SNX13: variants seen among roughly 807,000 people sequenced by gnomAD.
The protein encoded by SNX13 is sorting nexin 13.
A neutral mutation model predicts 133.6 loss-of-function variants in SNX13; 45 were observed. The observed-to-expected ratio is 0.34, with a 90% CI of 0.27 to 0.43. SNX13 has a LOEUF of 0.43. Ranked by LOEUF, SNX13 falls within the 20% of genes least tolerant of loss-of-function variation. SNX13 has a pLI of 1.00. For missense variants in SNX13, 1,032 were observed against 1,145.1 expected (o/e 0.90, Z 1.43); for synonymous variants, 414 against 373.9 (o/e 1.11, Z -1.24).
At chr7:17,919,382 T>G (rs1014966664) in intron 1 of SNX13, among the ~76,000 whole-genome samples, 3 of 152,178 alleles carry the variant, frequency 2.0e-5, no homozygotes, top group Admixed American at 2.0e-4. Flanking sequence ...AGCCAAAATT[T>G]TCCTCAGAAA....
At position 17,847,361 on chromosome 7, in the gene SNX13, C is replaced by T. The variant is rs566054409; in HGVS notation, c.1066-1667G>A. Among the ~76,000 whole-genome samples, 6 of 152,102 alleles carry T rather than the reference C, an allele frequency of 3.9e-5. No individual in the cohort carries two copies. The South Asian group carries it at 1.0e-3, about 26-fold the overall frequency. On this transcript the variant is annotated intron_variant, in intron 11 of 25. Coordinates refer to ENST00000428135, the MANE Select transcript of SNX13 (RefSeq NM_015132.5). ...TGTTTGTTTTTTTGAGACGGAGTGTCGCTCTTGTTGCCCAGGCTGGAGTGC... is the reference window on the plus strand; with the variant it reads ...TGTTTGTTTTTTTGAGACGGAGTGTTGCTCTTGTTGCCCAGGCTGGAGTGC...
chr7:17,852,025 C>G (rs759925149), intron 9 of SNX13, among the ~76,000 whole-genome samples: 4 of 151,878 alleles, frequency 2.6e-5, no homozygotes, highest in Non-Finnish European at 5.9e-5. Context: ...AGGCCAAAAA[C>G]GTAGGAAAAA....
chr7:17,867,278 T>C (rs867336001), intron 9 of SNX13, among the ~76,000 whole-genome samples: 1 of 152,120 alleles, frequency 6.6e-6, no homozygotes, highest in Non-Finnish European at 1.5e-5. Context: ...GGTACTACAA[T>C]CTGGTCGAAG....
At chr7:17,845,735 C>A in intron 11 of SNX13, 41 bp from the exon 12 acceptor site, 1 of 1,330,934 alleles carries the variant, frequency 7.5e-7, no homozygotes, top group Non-Finnish European at 1.0e-6. Flanking sequence ...TTTATCTAAT[C>A]ATTCATTGTT....
At chr7:17,931,172 T>C (rs555844020) in intron 1 of SNX13, among the ~76,000 whole-genome samples, 7 of 152,274 alleles carry the variant, frequency 4.6e-5, no homozygotes, top group South Asian at 4.1e-4. Flanking sequence ...ACATGTAAAA[T>C]AGCTGATTAT....
chr7:17,800,046 C>G (rs531748573), intron 22 of SNX13, among the ~76,000 whole-genome samples: 5 of 151,764 alleles, frequency 3.3e-5, no homozygotes, highest in African/African-American at 1.2e-4. Context: ...ACAGCTTAAT[C>G]AAAACCAGTA....
chr7:17,866,952 C>T (rs1429384204), intron 9 of SNX13, among the ~76,000 whole-genome samples: 2 of 152,090 alleles, frequency 1.3e-5, no homozygotes, highest in South Asian at 2.1e-4. Context: ...ATGCTTATAT[C>T]GAAATATCAC....
At chr7:17,894,987 C>T (rs1350532845) in intron 2 of SNX13, among the ~76,000 whole-genome samples, 1 of 152,128 alleles carries the variant, frequency 6.6e-6, no homozygotes, top group Admixed American at 6.5e-5. Flanking sequence ...AGAATTACTG[C>T]TAAATGTCAT....
intron 12 of SNX13, among the ~76,000 whole-genome samples, chr7:17,842,635 A>T (rs4721662): frequency 1.8e-4 from 27 of 152,094 alleles, no homozygotes; most frequent in Admixed American, 1.2e-3. Context: ...ATACGATTTT[A>T]AAAAAAATCA....
intron 1 of SNX13, among the ~76,000 whole-genome samples, chr7:17,930,368 T>C (rs1379941964): frequency 6.6e-6 from 1 of 152,154 alleles, no homozygotes; most frequent in Non-Finnish European, 1.5e-5. Flanking sequence ...TAACCAAAAG[T>C]ATACATTTTT....
In SNX13 at chr7:17,940,491, G is replaced by A. The variant is rs1310800765; in HGVS notation, c.-196C>T. 9.8e-6 allele frequency: 7 copies of A among 715,288 alleles called. No homozygotes were observed. The highest frequency in any genetic ancestry group is 3.0e-5 in the South Asian group (2 of 67,702). The allele number at this position is 715,288 out of a possible 1,614,324, so 44.3% of individuals were successfully genotyped here. On this transcript the variant is annotated 5_prime_UTR_variant, in exon 1 of 26. Transcript: ENST00000428135. ...CGACGGACGCGCCGCCATCTTGGAA[G>A]AGCGACGTCCGCGTCTCGCTGCAAC...
intron 16 of SNX13, among the ~76,000 whole-genome samples, chr7:17,826,995 T>C (rs1383027990): frequency 6.6e-6 from 1 of 152,096 alleles, no homozygotes; most frequent in Non-Finnish European, 1.5e-5. Context: ...TGGTTTACCA[T>C]ACCTAAACTA....
intron 1 of SNX13, 62 bp downstream of exon 1, chr7:17,940,222 A>G: frequency 1.0e-5 from 16 of 1,550,674 alleles, no homozygotes; most frequent in Non-Finnish European, 1.4e-5. Flanking sequence ...ATGTTCTCTG[A>G]CGGGCTGGCG....
At position 17,794,242 on chromosome 7, in the gene SNX13, G is replaced by A. The variant is rs746342625; in HGVS notation, c.2677C>T (p.Arg893Cys). Residue 893 changes from arginine to cysteine, a missense_variant, in exon 26 of 26, where the codon CGT becomes TGT. Coordinates refer to ENST00000428135, the MANE Select transcript of SNX13 (RefSeq NM_015132.5). ...GAETTRKGILRVFEMFQHNQL... is the reference protein window; with the variant it reads ...GAETTRKGILCVFEMFQHNQL... ...TTGTGCTGAAACATTTCAAAAACAC[G>A]AAGAATACCTTTCCGTGTTGTCTCA... 2.5e-6 allele frequency: 4 copies of A among 1,611,350 alleles called. No individual in the cohort carries two copies. Among genetic ancestry groups the A allele is most frequent in the Non-Finnish European group, 3.4e-6 (4 of 1,178,410 alleles).
intron 14 of SNX13, 52 bp downstream of exon 14, chr7:17,834,709 A>G: frequency 1.6e-6 from 2 of 1,237,990 alleles, no homozygotes; most frequent in Admixed American, 2.2e-5. Context: ...CATTACATAA[A>G]AGTATTTTTT....
Position 17,940,256 on chromosome 7 carries a change from G to A in SNX13, c.12+28C>T, listed in dbSNP as rs1020411285. On this transcript the variant is annotated intron_variant, in intron 1 of 25. Coordinates refer to ENST00000428135, the MANE Select transcript of SNX13 (RefSeq NM_015132.5). ...CGCCGGCCCCTTCCCCATTTCACAGGTAAACACTGGCCACCGTCGCCGCTT... is the reference window on the plus strand; with the variant it reads ...CGCCGGCCCCTTCCCCATTTCACAGATAAACACTGGCCACCGTCGCCGCTT... The A allele has an allele frequency of 4.5e-6, 7 of 1,555,578 alleles. No individual in the cohort carries two copies. The African/African-American group carries it at 5.5e-5, about 12-fold the overall frequency.
intron 9 of SNX13, among the ~76,000 whole-genome samples, chr7:17,857,966 T>G (rs370546883): frequency 2.0e-5 from 3 of 152,120 alleles, no homozygotes; most frequent in African/African-American, 7.2e-5. Flanking sequence ...AGGCATTCAA[T>G]AAAATTCAAC....
At chr7:17,794,785 C>T (rs1223416316) in intron 25 of SNX13, 1 of 151,376 alleles carries the variant, frequency 6.6e-6, no homozygotes, top group Admixed American at 6.6e-5. Flanking sequence ...CAAACTAATC[C>T]ATGATGGTGA....
At chr7:17,860,841 C>G (rs1228780350) in intron 9 of SNX13, among the ~76,000 whole-genome samples, 1 of 152,124 alleles carries the variant, frequency 6.6e-6, no homozygotes, top group Non-Finnish European at 1.5e-5. Context: ...TATGCCAGCA[C>G]CATACAGTTA....
Sources: allele counts gnomAD v4.1 joint callset (sites outside exome capture counted in the v4.1 genomes callset), GRCh38; gene constraint gnomAD v4.1.1; transcripts MANE v1.5; gene names NCBI Gene and HGNC (gene_info 2026-07-23, HGNC 2026-07-21).